Variants in EEF1AKMT2 observed in about 807,000 individuals in gnomAD.
EEF1AKMT2 encodes EEF1A lysine methyltransferase 2, also known as eukaryotic translation elongation factor 1 alpha lysine methyltransferase 2.
In EEF1AKMT2, 32 loss-of-function variants were observed where a neutral mutation model predicts 35.8. The observed-to-expected ratio is 0.89, with a 90% confidence interval of 0.67 to 1.20. EEF1AKMT2 has a LOEUF of 1.20. Among genes scored for constraint, EEF1AKMT2 ranks in the 50% most tolerant of loss-of-function variants. The pLI, the probability that EEF1AKMT2 is intolerant of heterozygous loss-of-function variation, is 0.00. For synonymous variants in EEF1AKMT2, 121 were observed against 133.7 expected, an observed-to-expected ratio of 0.91 and a Z score of 0.65; for missense variants, 330 against 347.5, an observed-to-expected ratio of 0.95 and a Z score of 0.40.
intron 4 of EEF1AKMT2, among the ~76,000 whole-genome samples, chr10:124,768,279 T>C (rs556804934): frequency 6.6e-6 from 1 of 152,252 alleles, no homozygotes; most frequent in East Asian, 1.9e-4. Context: ...AGTTCAGGAT[T>C]GTGAGCAAGG....
chr10:124,772,403 T>C (rs1451347491), intron 4 of EEF1AKMT2, among the ~76,000 whole-genome samples: 1 of 150,758 alleles, frequency 6.6e-6, no homozygotes, highest in Non-Finnish European at 1.5e-5. Context: ...GTCATGGAGA[T>C]GGCTTCTTTT....
At chr10:124,788,717 T>C (rs1205418426) in intron 3 of EEF1AKMT2, among the ~76,000 whole-genome samples, 1 of 100,518 alleles carries the variant, frequency 9.9e-6, no homozygotes, top group African/African-American at 4.1e-5. Flanking sequence ...TCTTTATATA[T>C]ATATATATAT....
intron 3 of EEF1AKMT2, among the ~76,000 whole-genome samples, chr10:124,788,718 AT>A (rs1950609672): frequency 9.8e-6 from 1 of 102,112 alleles, no homozygotes; most frequent in African/African-American, 4.0e-5. Flanking sequence ...CTTTATATAT[AT>A]ATATATATAT....
At chr10:124,784,747 A>G (rs1366554190) in intron 3 of EEF1AKMT2, among the ~76,000 whole-genome samples, 2 of 152,124 alleles carry the variant, frequency 1.3e-5, no homozygotes, top group African/African-American at 2.4e-5. Flanking sequence ...CCTGGACAAC[A>G]TGGTGAAACG....
At position 124,779,782 on chromosome 10, in the gene EEF1AKMT2, G is replaced by T. The variant is rs573018425; in HGVS notation, c.292-5000C>A. Among the ~76,000 whole-genome samples, 85 of 131,844 alleles carry T rather than the reference G, an allele frequency of 6.4e-4. 2 individuals carry two copies. The South Asian group carries it at 0.021, about 33-fold the overall frequency. The allele number at this position is 131,844 out of a possible 152,430, so 86.5% of individuals were successfully genotyped here. ...AAAAAAAAAAAAAAGAAACAGAATA[G>T]TCAGGCGTGGTGGCTCACGCCTGTA... On this transcript the variant is annotated intron_variant, in intron 3 of 6. Transcript: ENST00000368836.
At chr10:124,780,586 C>A (rs139211551) in intron 3 of EEF1AKMT2, among the ~76,000 whole-genome samples, 1 of 151,866 alleles carries the variant, frequency 6.6e-6, no homozygotes, top group Non-Finnish European at 1.5e-5. Context: ...AAAAATTGAA[C>A]CTGTGGAGTT....
At chr10:124,769,214 T>C (rs1395316477) in intron 4 of EEF1AKMT2, among the ~76,000 whole-genome samples, 1 of 3,020 alleles carries the variant, frequency 3.3e-4, no homozygotes, top group Non-Finnish European at 0.011. Flanking sequence ...CAAGACACTG[T>C]CTCCAAAAAA....
chr10:124,777,697 GTTTT>G (rs1564906331), intron 3 of EEF1AKMT2, among the ~76,000 whole-genome samples: 1 of 151,418 alleles, frequency 6.6e-6, no homozygotes, highest in South Asian at 2.1e-4. Context: ...TTGTTTTTTT[GTTTT>G]TTGTTTTTTT....
chr10:124,765,718 G>C (rs1260860999), intron 4 of EEF1AKMT2, 110 bp from the exon 5 acceptor site: 2 of 739,308 alleles, frequency 2.7e-6, no homozygotes, highest in Non-Finnish European at 4.3e-6. Flanking sequence ...AATTATAATG[G>C]CATTTTACAT....
chr10:124,784,742 A>C (rs1189346656), intron 3 of EEF1AKMT2, among the ~76,000 whole-genome samples: 1 of 151,892 alleles, frequency 6.6e-6, no homozygotes, highest in Admixed American at 6.6e-5. Flanking sequence ...ACCAGCCTGG[A>C]CAACATGGTG....
intron 3 of EEF1AKMT2, chr10:124,783,043 C>A: frequency 5.7e-6 from 2 of 351,376 alleles, no homozygotes; most frequent in Non-Finnish European, 1.1e-5. Flanking sequence ...CATGTAAAAA[C>A]TAAACAAAAA....
intron 3 of EEF1AKMT2, among the ~76,000 whole-genome samples, chr10:124,777,638 C>T (rs551621080): frequency 3.0e-4 from 45 of 152,182 alleles, no homozygotes; most frequent in Non-Finnish European, 5.9e-4. Context: ...CCACCCCAGC[C>T]TCTCAAGTAG....
downstream of EEF1AKMT2, among the ~76,000 whole-genome samples, chr10:124,756,317 C>G (rs1281086316): frequency 6.6e-6 from 1 of 152,180 alleles, no homozygotes; most frequent in Non-Finnish European, 1.5e-5. Context: ...TACTTTAGGG[C>G]TCAACTGATC....
intron 3 of EEF1AKMT2, 178 bp from the exon 4 acceptor site, chr10:124,774,960 T>A: frequency 3.5e-6 from 1 of 282,054 alleles, no homozygotes; most frequent in Non-Finnish European, 6.7e-6. Flanking sequence ...TGAAAGTGTA[T>A]ATACTATGAC....
Position 124,782,944 on chromosome 10 carries a change from T to C in EEF1AKMT2, c.291+6099A>G, listed in dbSNP as rs868661109. ...AAAGGTTAGAGATTGTTAGAATAGA[T>C]AAAAATAACTACCAACTATATGCTG... On this transcript the variant is annotated intron_variant, in intron 3 of 6. Transcript: ENST00000368836. 19 of 427,686 alleles carry C rather than the reference T, an allele frequency of 4.4e-5. No individual in the cohort carries two copies. In the Middle Eastern group the frequency reaches 1.5e-3, roughly 33 times the overall value. The allele number at this position is 427,686 out of a possible 1,614,324, so 26.5% of individuals were successfully genotyped here.
Position 124,760,338 on chromosome 10 carries a change from G to A in EEF1AKMT2, c.*165C>T. 1 of 1,019,304 alleles carries A rather than the reference G, an allele frequency of 9.8e-7. No individual in the cohort carries two copies. The highest frequency in any genetic ancestry group is 1.5e-6 in the Non-Finnish European group (1 of 671,812). The allele number at this position is 1,019,304 out of a possible 1,614,324, so 63.1% of individuals were successfully genotyped here. ...CTTACTAAGCATTTATTTGCACAAGGATTTTCTGTGTCAGGTTAACTTTGC... is the reference window on the plus strand; with the variant it reads ...CTTACTAAGCATTTATTTGCACAAGAATTTTCTGTGTCAGGTTAACTTTGC... On this transcript the variant is annotated 3_prime_UTR_variant, in exon 7 of 7. Coordinates refer to ENST00000368836, the MANE Select transcript of EEF1AKMT2 (RefSeq NM_212554.4).
intron 1 of EEF1AKMT2, among the ~76,000 whole-genome samples, chr10:124,791,211 G>A (rs1467024551): frequency 2.0e-5 from 3 of 151,950 alleles, no homozygotes; most frequent in African/African-American, 7.3e-5. Context: ...ATTCCTGAGC[G>A]TCTGTTTGAG....
chr10:124,757,703 G>C (rs1190674194), downstream of EEF1AKMT2: 1 of 151,240 alleles, frequency 6.6e-6, no homozygotes, highest in Non-Finnish European at 1.5e-5. Context: ...TATATACTTA[G>C]CTCCCTTATT....
chr10:124,772,299 G>A (rs139078978), intron 4 of EEF1AKMT2, among the ~76,000 whole-genome samples: 11 of 151,716 alleles, frequency 7.3e-5, no homozygotes, highest in African/African-American at 2.7e-4. Context: ...AAATCTGTGT[G>A]TTGTTTAGCC....
Sources: gnomAD v4.1 joint callset for allele counts (sites outside exome capture counted in the v4.1 genomes callset) on GRCh38, gnomAD v4.1.1 for gene constraint, MANE v1.5 for transcripts, NCBI Gene and HGNC (gene_info 2026-07-23, HGNC 2026-07-21) for gene names.